The following ATP9A variants were observed in gnomAD, a reference collection of about 807,000 sequenced individuals.
ATP9A encodes the protein ATPase phospholipid transporting 9A, also known as probable phospholipid-transporting ATPase IIA.
Under a neutral mutation model 144.1 loss-of-function variants are expected in ATP9A, and 52 were observed. The ratio of observed to expected loss-of-function variants is 0.36; its 90% CI spans 0.29 to 0.45. The LOEUF is 0.45. Ranked by LOEUF, ATP9A falls within the 20% of genes least tolerant of loss-of-function variation. The pLI, the probability that ATP9A is intolerant of heterozygous loss-of-function variation, is 1.00. For missense variants in ATP9A, 947 were observed against 1,392.7 expected (o/e 0.68, Z 5.09); for synonymous variants, 582 against 557.4 (o/e 1.04, Z -0.62).
chr20:51,754,699 C>G (rs2077848438), intron 1 of ATP9A, among the ~76,000 whole-genome samples: 1 of 151,950 alleles, frequency 6.6e-6, no homozygotes, highest in Non-Finnish European at 1.5e-5. Context: ...GCCTGTAATA[C>G]TAGCTAGTAG....
intron 14 of ATP9A, among the ~76,000 whole-genome samples, chr20:51,655,545 G>C (rs535174745): frequency 6.6e-6 from 1 of 152,152 alleles, no homozygotes; most frequent in Non-Finnish European, 1.5e-5. Context: ...AACATCAGGG[G>C]CCATCCGGAA....
chr20:51,697,251 C>CTGTG (rs10665454), intron 5 of ATP9A, among the ~76,000 whole-genome samples, 173 bp downstream of exon 5: 294 of 151,308 alleles, frequency 1.9e-3, no homozygotes, highest in Admixed American at 3.1e-3. Context: ...GTGTGTGTGT[C>CTGTG]TGTGTGTGTG....
chr20:51,681,587 C>A (rs1361975741), intron 9 of ATP9A, among the ~76,000 whole-genome samples: 1 of 151,976 alleles, frequency 6.6e-6, no homozygotes, highest in Admixed American at 6.6e-5. Context: ...ACACCCAGCT[C>A]ATTTTTGTAT....
At chr20:51,693,984 G>A in intron 7 of ATP9A, 24 bp downstream of exon 7, 4 of 1,603,412 alleles carry the variant, frequency 2.5e-6, no homozygotes, top group Non-Finnish European at 3.4e-6. Flanking sequence ...GCCCGCATGG[G>A]CTTCTGCAGG....
intron 1 of ATP9A, among the ~76,000 whole-genome samples, chr20:51,760,116 C>T (rs1377166897): frequency 6.6e-6 from 1 of 152,084 alleles, no homozygotes; most frequent in East Asian, 1.9e-4. Flanking sequence ...GGCCCCTCAG[C>T]ACAGTGCAGA....
intron 21 of ATP9A, among the ~76,000 whole-genome samples, chr20:51,617,821 C>T (rs1398396413): frequency 6.6e-6 from 1 of 152,212 alleles, no homozygotes; most frequent in East Asian, 1.9e-4. Context: ...CATTTACCAC[C>T]ACCTGTCCTC....
chr20:51,666,154 T>G (rs737116), intron 13 of ATP9A, among the ~76,000 whole-genome samples: 75,166 of 151,874 alleles, frequency 0.49, 19,364 homozygotes, highest in East Asian at 0.79. Context: ...ATGTAAAGAG[T>G]CGCTTCCTGT....
Position 51,599,575 on chromosome 20 carries a change from C to G in ATP9A, c.*1636G>C, listed in dbSNP as rs1263803040. The G allele has an allele frequency of 1.3e-5, 2 of 152,158 alleles. No homozygotes were observed. The highest frequency in any genetic ancestry group is 6.5e-5 in the Admixed American group (1 of 15,278). The allele number at this position is 152,158 out of a possible 1,614,324, so 9.4% of individuals were successfully genotyped here. On this transcript the variant is annotated 3_prime_UTR_variant, in exon 28 of 28. Coordinates refer to ENST00000338821, the MANE Select transcript of ATP9A (RefSeq NM_006045.3). ...GACAAAATAGATGTGGTGTCAACAG[C>G]CAATTAACCAGTACCTGCAACGTAA... is the stretch of plus-strand genomic sequence containing the variant.
chr20:51,665,669 A>T (rs1307006822), intron 13 of ATP9A, among the ~76,000 whole-genome samples: 5 of 152,062 alleles, frequency 3.3e-5, no homozygotes, highest in Admixed American at 6.6e-5. Context: ...GTTTGTGGTA[A>T]GCCAAGATAG....
intron 3 of ATP9A, among the ~76,000 whole-genome samples, chr20:51,714,614 C>T (rs1351201080): frequency 2.6e-5 from 4 of 152,126 alleles, no homozygotes; most frequent in African/African-American, 7.2e-5. Context: ...GTGATCCACC[C>T]GCCTCGGCCT....
intron 3 of ATP9A, among the ~76,000 whole-genome samples, chr20:51,714,141 G>C (rs917675518): frequency 2.6e-5 from 4 of 151,848 alleles, no homozygotes; most frequent in African/African-American, 9.7e-5. Flanking sequence ...TCTTGACCTC[G>C]TGATCCGCCC....
chr20:51,742,772 C>T (rs1351399184), intron 1 of ATP9A, among the ~76,000 whole-genome samples: 1 of 152,182 alleles, frequency 6.6e-6, no homozygotes, highest in African/African-American at 2.4e-5. Flanking sequence ...GCCTCGGCCT[C>T]CCAAAGTGCT....
chr20:51,708,578 TA>T (rs2077624500), intron 4 of ATP9A, among the ~76,000 whole-genome samples: 1 of 151,914 alleles, frequency 6.6e-6, no homozygotes, highest in Non-Finnish European at 1.5e-5. Flanking sequence ...CTATTAAAAA[TA>T]CAAAAATTAG....
chr20:51,706,944 C>T (rs184744794), intron 4 of ATP9A, among the ~76,000 whole-genome samples: 35 of 152,146 alleles, frequency 2.3e-4, no homozygotes, highest in African/African-American at 8.4e-4. Flanking sequence ...TCAACCCTTC[C>T]ATAGCCTCAG....
At chr20:51,645,533 A>G (rs1449956625) in intron 14 of ATP9A, among the ~76,000 whole-genome samples, 1 of 114,728 alleles carries the variant, frequency 8.7e-6, no homozygotes, top group Non-Finnish European at 2.0e-5. Context: ...AAACAAAAAC[A>G]AACAAACAAA....
intron 14 of ATP9A, 26 bp from the exon 15 acceptor site, chr20:51,639,530 C>G: frequency 6.3e-7 from 1 of 1,582,844 alleles, no homozygotes; most frequent in Non-Finnish European, 8.6e-7. Flanking sequence ...GGTCGAAGGT[C>G]AGATGCCCAG....
At chr20:51,710,335 A>G (rs1419043186) in intron 4 of ATP9A, among the ~76,000 whole-genome samples, 1 of 152,204 alleles carries the variant, frequency 6.6e-6, no homozygotes, top group African/African-American at 2.4e-5. Context: ...TGTGATAGAA[A>G]GAAAACAGTC....
chr20:51,688,990 A>G lies in ATP9A; in HGVS notation c.799+74T>C, dbSNP rs2077535514. 2.0e-6 allele frequency: 3 copies of G among 1,493,158 alleles called. No homozygotes were observed. The African/African-American group carries it at 4.2e-5, about 21-fold the overall frequency. The allele number at this position is 1,493,158 out of a possible 1,614,324, so 92.5% of individuals were successfully genotyped here. A position where few individuals can be genotyped will look rare whatever the true frequency, so the allele number is the denominator to read the frequency against. On this transcript the variant is annotated intron_variant, in intron 9 of 27. Coordinates refer to ENST00000338821, the MANE Select transcript of ATP9A (RefSeq NM_006045.3). ...GAGCACTCATTTTTCCAACTGACAGATGATTATTCTAATTACAAAAGGATT... is the reference window on the plus strand; with the variant it reads ...GAGCACTCATTTTTCCAACTGACAGGTGATTATTCTAATTACAAAAGGATT...
intron 1 of ATP9A, among the ~76,000 whole-genome samples, chr20:51,753,482 AACAAC>A (rs1162646870): frequency 2.1e-5 from 3 of 144,044 alleles, no homozygotes; most frequent in African/African-American, 8.7e-5. Flanking sequence ...CAACAACAAC[AACAAC>A]AAACCCACGT....
Sources: gnomAD v4.1 joint callset for allele counts (sites outside exome capture counted in the v4.1 genomes callset) on GRCh38, gnomAD v4.1.1 for gene constraint, MANE v1.5 for transcripts, NCBI Gene and HGNC (gene_info 2026-07-23, HGNC 2026-07-21) for gene names.